CYP20A1: variants seen among roughly 807,000 people sequenced by gnomAD.
CYP20A1 encodes cytochrome P450 family 20 subfamily A member 1, also known as cytochrome P450 20A1.
Under a neutral mutation model 61.4 loss-of-function variants are expected in CYP20A1, and 61 were observed. The ratio of observed to expected loss-of-function variants is 0.99; its 90% CI spans 0.81 to 1.23. CYP20A1 has a LOEUF of 1.23. CYP20A1 is among the 50% of genes most tolerant of loss of function. The probability of loss-of-function intolerance (pLI) is 0.00; values close to 1 mark genes in which losing one functional copy is unlikely to be tolerated. For missense variants in CYP20A1, 530 were observed against 542.4 expected (o/e 0.98, Z 0.23); for synonymous variants, 193 against 188.2 (o/e 1.03, Z -0.21).
chr2:203,242,366 G>A (rs1170280031), intron 1 of CYP20A1, among the ~76,000 whole-genome samples: 1 of 152,134 alleles, frequency 6.6e-6, no homozygotes, highest in Non-Finnish European at 1.5e-5. Context: ...AGTATAGATA[G>A]CTCTTTAGAG....
intron 5 of CYP20A1, among the ~76,000 whole-genome samples, chr2:203,271,080 A>ATTTTTTTTT (rs1376244749): frequency 5.9e-4 from 23 of 39,138 alleles, no homozygotes; most frequent in Non-Finnish European, 1.0e-3. Flanking sequence ...ATATATATAT[A>ATTTTTTTTT]TATTTTTTTT....
chr2:203,292,416 A>G, intron 11 of CYP20A1, 90 bp downstream of exon 11: 1 of 834,206 alleles, frequency 1.2e-6, no homozygotes, highest in Non-Finnish European at 2.0e-6. Context: ...TAGAAAACTC[A>G]ATATGTAGCA....
chr2:203,254,422 G>A (rs1369201269), intron 4 of CYP20A1, among the ~76,000 whole-genome samples: 1 of 151,928 alleles, frequency 6.6e-6, no homozygotes, highest in East Asian at 1.9e-4. Context: ...GCACATGCCT[G>A]TAGTCCTAGC....
At position 203,300,062 on chromosome 2, in the gene CYP20A1, A is replaced by G. The variant is rs2068960623; in HGVS notation, c.*3154A>G. Among the ~76,000 whole-genome samples, 1 of 152,154 alleles carries G rather than the reference A, an allele frequency of 6.6e-6. No individual in the cohort carries two copies. Among genetic ancestry groups the G allele is most frequent in the Non-Finnish European group, 1.5e-5 (1 of 68,022 alleles). ...ACCAAGTGTCAGATCAGATGAGATG[A>G]AAGAGGTGGAGTTTAAAGCAAGTGA... On this transcript the variant is annotated 3_prime_UTR_variant, in exon 13 of 13. Transcript: ENST00000356079.
At chr2:203,284,359 G>C (rs2068175444) in intron 8 of CYP20A1, among the ~76,000 whole-genome samples, 1 of 152,094 alleles carries the variant, frequency 6.6e-6, no homozygotes, top group Admixed American at 6.6e-5. Flanking sequence ...TAGGGAAAGA[G>C]GTAGTATATA....
chr2:203,241,153 A>G (rs1474373621), intron 1 of CYP20A1, among the ~76,000 whole-genome samples: 1 of 152,232 alleles, frequency 6.6e-6, no homozygotes, highest in South Asian at 2.1e-4. Context: ...TTAGCCTGGT[A>G]TCTGGAAGGA....
At chr2:203,274,259 C>T (rs1304285035) in intron 6 of CYP20A1, among the ~76,000 whole-genome samples, 1 of 150,584 alleles carries the variant, frequency 6.6e-6, no homozygotes, top group Non-Finnish European at 1.5e-5. Flanking sequence ...GGTCACGGCT[C>T]ACTGCAACCT....
intron 10 of CYP20A1, among the ~76,000 whole-genome samples, chr2:203,290,085 C>T (rs1219204843): frequency 6.6e-6 from 1 of 151,968 alleles, no homozygotes; most frequent in African/African-American, 2.4e-5. Flanking sequence ...GGATTACAGG[C>T]GCCCGCCACC....
At chr2:203,264,994 G>T (rs1362315065) in intron 4 of CYP20A1, among the ~76,000 whole-genome samples, 6 of 152,178 alleles carry the variant, frequency 3.9e-5, no homozygotes, top group African/African-American at 1.4e-4. Context: ...CTCCCAAAGT[G>T]CTGAGATTAC....
intron 4 of CYP20A1, among the ~76,000 whole-genome samples, chr2:203,254,356 C>T (rs1239780962): frequency 6.6e-6 from 1 of 151,940 alleles, no homozygotes; most frequent in African/African-American, 2.4e-5. Flanking sequence ...ACTGGCCTGC[C>T]TAATATGATG....
At chr2:203,259,172 G>A (rs1041312638) in intron 4 of CYP20A1, among the ~76,000 whole-genome samples, 2 of 152,116 alleles carry the variant, frequency 1.3e-5, no homozygotes, top group African/African-American at 4.8e-5. Context: ...AAATTAAGGT[G>A]GTTTTTTAAG....
intron 3 of CYP20A1, among the ~76,000 whole-genome samples, chr2:203,247,685 T>C (rs2066509893): frequency 6.6e-6 from 1 of 152,002 alleles, no homozygotes; most frequent in Non-Finnish European, 1.5e-5. Flanking sequence ...GGTGAAACCC[T>C]GTCTTTACTA....
chr2:203,245,120 C>T (rs1418609526), intron 1 of CYP20A1, among the ~76,000 whole-genome samples: 2 of 147,670 alleles, frequency 1.4e-5, no homozygotes, highest in East Asian at 2.0e-4. Context: ...ACCTCTGCCT[C>T]CCGGGTTCAA....
intron 7 of CYP20A1, 58 bp from the exon 8 acceptor site, chr2:203,280,001 G>A (rs1297689608): frequency 1.7e-6 from 2 of 1,150,676 alleles, no homozygotes; most frequent in Non-Finnish European, 2.5e-6. Context: ...TTTTAGCAGG[G>A]CCTAATATAG....
At chr2:203,271,439 T>A (rs1255111651) in intron 5 of CYP20A1, among the ~76,000 whole-genome samples, 1 of 152,080 alleles carries the variant, frequency 6.6e-6, no homozygotes, top group Non-Finnish European at 1.5e-5. Context: ...TCATTTAAGG[T>A]AAGGATTGAG....
chr2:203,253,796 CTTTTTCTTTTTT>C (rs2066790344), intron 4 of CYP20A1, among the ~76,000 whole-genome samples: 1 of 151,442 alleles, frequency 6.6e-6, no homozygotes, highest in African/African-American at 2.4e-5. Context: ...TTGTCTTTTT[CTTTTTCTTTTTT>C]TTTTTCCTTT....
chr2:203,250,485 T>C (rs1296116460), intron 3 of CYP20A1, among the ~76,000 whole-genome samples: 3 of 151,754 alleles, frequency 2.0e-5, no homozygotes, highest in Non-Finnish European at 4.4e-5. Flanking sequence ...GGTTCAAGAT[T>C]GTGCTTTTGT....
rs1341459439 is a variant in CYP20A1, at chr2:203,298,661, A to G, written c.*1753A>G. Among the ~76,000 whole-genome samples, 2 of 149,458 alleles carry G rather than the reference A, an allele frequency of 1.3e-5. No individual in the cohort carries two copies. The highest frequency in any genetic ancestry group is 2.5e-5 in the African/African-American group (1 of 40,516). ...GGTTGCAGTGAGCCAAGATCGCACC[A>G]CTGCACTCCAGCCTGGGTGTCGAGT... is the stretch of plus-strand genomic sequence containing the variant. On this transcript the variant is annotated 3_prime_UTR_variant, in exon 13 of 13. Transcript: ENST00000356079.
intron 10 of CYP20A1, 64 bp downstream of exon 10, chr2:203,289,940 G>T: frequency 1.7e-6 from 1 of 597,282 alleles, no homozygotes; most frequent in Non-Finnish European, 2.7e-6. Flanking sequence ...GTGTGTGTGT[G>T]TATATATATA....
Sources: allele counts gnomAD v4.1 joint callset (sites outside exome capture counted in the v4.1 genomes callset), GRCh38; gene constraint gnomAD v4.1.1; transcripts MANE v1.5; gene names NCBI Gene and HGNC (gene_info 2026-07-23, HGNC 2026-07-21).